PRKG1: variants seen among roughly 807,000 people sequenced by gnomAD.
PRKG1 encodes protein kinase cGMP-dependent 1.
A neutral mutation model predicts 88.1 loss-of-function variants in PRKG1; 35 were observed. That is an observed-to-expected ratio of 0.40 (90% confidence interval 0.30 to 0.53). The LOEUF is 0.53. PRKG1 is among the 20% of genes least tolerant of loss of function. The probability of loss-of-function intolerance (pLI) is 0.59; values close to 1 mark genes in which losing one functional copy is unlikely to be tolerated. For missense variants in PRKG1, 540 were observed against 839.8 expected, an observed-to-expected ratio of 0.64 and a Z score of 4.41; for synonymous variants, 303 against 292.5, an observed-to-expected ratio of 1.04 and a Z score of -0.37.
intron 3 of PRKG1, among the ~76,000 whole-genome samples, chr10:51,638,957 T>C (rs1589152016): frequency 6.6e-6 from 1 of 152,152 alleles, no homozygotes; most frequent in Non-Finnish European, 1.5e-5. Flanking sequence ...AAGTTCTACA[T>C]AAGAACAGCC....
intron 3 of PRKG1, among the ~76,000 whole-genome samples, chr10:51,525,037 A>G (rs1471788006): frequency 6.6e-6 from 1 of 152,184 alleles, no homozygotes; most frequent in Non-Finnish European, 1.5e-5. Context: ...CTTTAAGCAG[A>G]TTCAAGAAAC....
chr10:52,062,929 G>A (rs1391216124), intron 7 of PRKG1: 2 of 636,640 alleles, frequency 3.1e-6, no homozygotes, highest in Non-Finnish European at 5.7e-6. Flanking sequence ...GGAATTCCCT[G>A]CTAAACTTTG....
intron 2 of PRKG1, among the ~76,000 whole-genome samples, chr10:51,285,349 T>C (rs10465968): frequency 0.47 from 70,651 of 151,842 alleles, 17,937 homozygotes; most frequent in African/African-American, 0.67. Flanking sequence ...TATAGTATGT[T>C]TACTTAGGTT....
intron 2 of PRKG1, among the ~76,000 whole-genome samples, chr10:51,247,072 T>C (rs1311187162): frequency 6.6e-6 from 1 of 151,894 alleles, no homozygotes; most frequent in East Asian, 1.9e-4. Flanking sequence ...AGAAGGTAAA[T>C]TGTACAAGAA....
chr10:51,123,961 C>T (rs745469841), intron 1 of PRKG1, among the ~76,000 whole-genome samples: 2 of 152,080 alleles, frequency 1.3e-5, no homozygotes, highest in African/African-American at 2.4e-5. Context: ...ATTGTGAGGA[C>T]AGCACCAAGA....
chr10:51,406,686 A>C (rs528816576), intron 2 of PRKG1, among the ~76,000 whole-genome samples: 14 of 150,256 alleles, frequency 9.3e-5, no homozygotes, highest in African/African-American at 3.2e-4. Context: ...AGTTCATTTC[A>C]GCATGTGCAA....
intron 9 of PRKG1, among the ~76,000 whole-genome samples, chr10:52,229,080 T>C (rs544838389): frequency 6.6e-6 from 1 of 152,298 alleles, no homozygotes; most frequent in African/African-American, 2.4e-5. Flanking sequence ...ATCTTTTATG[T>C]ACTATTTTTT....
intron 2 of PRKG1, among the ~76,000 whole-genome samples, chr10:51,398,926 C>G (rs888742388): frequency 1.3e-5 from 2 of 152,124 alleles, no homozygotes; most frequent in South Asian, 2.1e-4. Context: ...GGTTGTGGAG[C>G]CTTTCAGATT....
chr10:51,064,343 A>T (rs751346101), intron 1 of PRKG1, among the ~76,000 whole-genome samples: 1 of 152,080 alleles, frequency 6.6e-6, no homozygotes, highest in African/African-American at 2.4e-5. Flanking sequence ...TTACATTCAC[A>T]TGGTTATTAA....
At chr10:51,140,180 A>G (rs1482938958) in intron 1 of PRKG1, among the ~76,000 whole-genome samples, 1 of 152,186 alleles carries the variant, frequency 6.6e-6, no homozygotes, top group African/African-American at 2.4e-5. Flanking sequence ...TTACATGCTA[A>G]GTAGATCTTC....
intron 2 of PRKG1, among the ~76,000 whole-genome samples, chr10:51,408,403 A>G (rs951016520): frequency 2.0e-5 from 3 of 152,196 alleles, no homozygotes; most frequent in African/African-American, 7.2e-5. Context: ...GCAATGCTGT[A>G]TGGAATACCA....
chr10:52,164,329 C>T (rs180757607), intron 9 of PRKG1, among the ~76,000 whole-genome samples: 5 of 151,340 alleles, frequency 3.3e-5, no homozygotes, highest in Admixed American at 1.3e-4. Flanking sequence ...CCAGCCTGGG[C>T]GACCAGAGCA....
chr10:51,832,720 T>C (rs1204166498), intron 4 of PRKG1, among the ~76,000 whole-genome samples: 1 of 152,106 alleles, frequency 6.6e-6, no homozygotes, highest in African/African-American at 2.4e-5. Context: ...GTCCCATGAT[T>C]GAATCTTAGA....
chr10:51,873,182 T>A (rs747471590), intron 4 of PRKG1, among the ~76,000 whole-genome samples: 1 of 152,162 alleles, frequency 6.6e-6, no homozygotes. Flanking sequence ...CAAACTTAAC[T>A]TGATGATTTG....
chr10:51,914,038 C>G (rs1055559737), intron 5 of PRKG1, among the ~76,000 whole-genome samples: 1 of 152,184 alleles, frequency 6.6e-6, no homozygotes, highest in Admixed American at 6.5e-5. Flanking sequence ...ATCCAATCTC[C>G]TCTTTCTTAC....
At chr10:51,442,307 A>AT (rs1188930984) in intron 2 of PRKG1, among the ~76,000 whole-genome samples, 1 of 151,892 alleles carries the variant, frequency 6.6e-6, no homozygotes, top group Non-Finnish European at 1.5e-5. Context: ...TTTGGTTTTA[A>AT]TTTTTTTAAA....
At chr10:52,222,344 A>G (rs1207756253) in intron 9 of PRKG1, among the ~76,000 whole-genome samples, 1 of 152,132 alleles carries the variant, frequency 6.6e-6, no homozygotes, top group Non-Finnish European at 1.5e-5. Context: ...AATGCATGGG[A>G]ACCAAAAAGT....
intron 2 of PRKG1, among the ~76,000 whole-genome samples, chr10:51,162,909 G>A (rs1189688378): frequency 2.6e-5 from 4 of 151,948 alleles, no homozygotes; most frequent in Non-Finnish European, 5.9e-5. Context: ...TGTAGAAATG[G>A]GCTCTCACTA....
intron 1 of PRKG1, among the ~76,000 whole-genome samples, chr10:51,010,654 C>T (rs921623217): frequency 1.3e-5 from 2 of 152,148 alleles, no homozygotes; most frequent in Non-Finnish European, 2.9e-5. Flanking sequence ...GTAAGTTGAA[C>T]TGAAGATGTG....
Sources: allele counts gnomAD v4.1 joint callset (sites outside exome capture counted in the v4.1 genomes callset), GRCh38; gene constraint gnomAD v4.1.1; transcripts MANE v1.5; gene names NCBI Gene and HGNC (gene_info 2026-07-23, HGNC 2026-07-21).